The following NMNAT1 variants were observed in gnomAD, a reference collection of about 807,000 sequenced individuals.
The protein encoded by NMNAT1 is nicotinamide nucleotide adenylyltransferase 1, also known as nicotinamide/nicotinic acid mononucleotide adenylyltransferase 1.
Under a neutral mutation model 16.7 loss-of-function variants are expected in NMNAT1, and 11 were observed. The observed-to-expected ratio is 0.66, with a 90% confidence interval of 0.41 to 1.09. NMNAT1 has a LOEUF of 1.09. Ranked by LOEUF, NMNAT1 falls within the 50% of genes least tolerant of loss-of-function variation. NMNAT1 has a pLI of 0.00. For missense variants in NMNAT1, 280 were observed against 332.3 expected, an observed-to-expected ratio of 0.84 and a Z score of 1.22; for synonymous variants, 110 against 119.8, an observed-to-expected ratio of 0.92 and a Z score of 0.53.
intron 1 of NMNAT1, among the ~76,000 whole-genome samples, chr1:9,946,742 T>TC (rs953250572): frequency 6.6e-6 from 1 of 152,142 alleles, no homozygotes; most frequent in Non-Finnish European, 1.5e-5. Context: ...GGGGCCCTGA[T>TC]CCGATAGGAC....
Position 9,975,642 on chromosome 1 carries a change from A to G in NMNAT1, c.166A>G (p.Lys56Glu). The change falls in exon 3 of 5, where the codon AAG (lysine) becomes GAG (glutamate). Residue 56 changes from lysine to glutamate, a missense_variant. Transcript: ENST00000377205. Reference sequence around the variant, plus strand: ...CATCTCTCCTGTTGGTGATGCCTACAAGAAGAAAGGACTCATTCCTGCCTA... The same window carrying G: ...CATCTCTCCTGTTGGTGATGCCTACGAGAAGAAAGGACTCATTCCTGCCTA... ...GIISPVGDAYKKKGLIPAYHR... is the reference protein window; with the variant it reads ...GIISPVGDAYEKKGLIPAYHR... The G allele has an allele frequency of 6.2e-7, 1 of 1,614,080 alleles. No homozygotes were observed. Among genetic ancestry groups the G allele is most frequent in the Middle Eastern group, 1.7e-4 (1 of 6,060 alleles).
At chr1:9,954,580 CTATT>C (rs1200812969) in intron 1 of NMNAT1, among the ~76,000 whole-genome samples, 2 of 152,094 alleles carry the variant, frequency 1.3e-5, no homozygotes, top group South Asian at 2.1e-4. Flanking sequence ...TGATCAATGA[CTATT>C]TATTGAATGA....
intron 1 of NMNAT1, among the ~76,000 whole-genome samples, chr1:9,966,914 T>C (rs1641558058): frequency 6.6e-6 from 1 of 152,064 alleles, no homozygotes; most frequent in African/African-American, 2.4e-5. Flanking sequence ...CTTTATAATC[T>C]TAAAAGAATA....
intron 1 of NMNAT1, among the ~76,000 whole-genome samples, chr1:9,954,780 C>T (rs769325090): frequency 1.7e-4 from 26 of 150,122 alleles, no homozygotes; most frequent in Non-Finnish European, 2.8e-4. Flanking sequence ...AAAATACAAA[C>T]ATTAGGTTCG....
At chr1:9,950,746 T>G (rs904304863) in intron 1 of NMNAT1, 4 of 152,476 alleles carry the variant, frequency 2.6e-5, no homozygotes, top group Non-Finnish European at 2.9e-5. Context: ...CCCCCCGTTT[T>G]CTTTGCTTTG....
At chr1:9,971,559 G>A (rs1398803910) in intron 1 of NMNAT1, among the ~76,000 whole-genome samples, 10 of 152,034 alleles carry the variant, frequency 6.6e-5, no homozygotes, top group Non-Finnish European at 1.3e-4. Context: ...TGATCCACCC[G>A]CCCCAGCCTC....
intron 1 of NMNAT1, 80 bp from the exon 2 acceptor site, chr1:9,971,938 C>G (rs1307366476): frequency 3.1e-6 from 2 of 646,736 alleles, no homozygotes; most frequent in South Asian, 1.7e-5. Flanking sequence ...TCACTACACT[C>G]TAGCCAGGGT....
chr1:9,968,262 T>C (rs1641604218), intron 1 of NMNAT1, among the ~76,000 whole-genome samples: 1 of 150,948 alleles, frequency 6.6e-6, no homozygotes, highest in Non-Finnish European at 1.5e-5. Flanking sequence ...TTAGTAGAGA[T>C]GGGGTTTCAC....
the NMNAT1 span, among the ~76,000 whole-genome samples, chr1:9,994,713 C>T: frequency 3.4e-5 from 5 of 148,920 alleles, no homozygotes; most frequent in Non-Finnish European, 5.9e-5. Flanking sequence ...CCTGGGTTCA[C>T]GCATTCTCCT....
chr1:9,967,997 A>G (rs2101683294), intron 1 of NMNAT1, among the ~76,000 whole-genome samples: 2 of 152,096 alleles, frequency 1.3e-5, no homozygotes, highest in Admixed American at 1.3e-4. Context: ...AACAAAAGAC[A>G]ATTCTAGTAA....
At chr1:9,951,080 C>T (rs1441396108) in intron 1 of NMNAT1, among the ~76,000 whole-genome samples, 2 of 149,002 alleles carry the variant, frequency 1.3e-5, no homozygotes, top group Non-Finnish European at 3.0e-5. Context: ...CAAAGTGAGA[C>T]TCTGTTTCAA....
chr1:9,974,635 G>A (rs187294194), intron 2 of NMNAT1, among the ~76,000 whole-genome samples: 16 of 151,990 alleles, frequency 1.1e-4, no homozygotes, highest in East Asian at 7.8e-4. Flanking sequence ...TGATCCACCC[G>A]CCTCGAACTC....
the NMNAT1 span, among the ~76,000 whole-genome samples, chr1:9,996,087 G>A: frequency 5.3e-5 from 8 of 151,936 alleles, no homozygotes; most frequent in Admixed American, 2.6e-4. Context: ...CAAGGCGGGC[G>A]GATCACAAGG....
At chr1:9,968,307 C>G (rs1570699546) in intron 1 of NMNAT1, among the ~76,000 whole-genome samples, 4 of 151,180 alleles carry the variant, frequency 2.6e-5, no homozygotes, top group Admixed American at 6.6e-5. Context: ...CTCCTGACCT[C>G]GTGATCTGCC....
chr1:9,954,107 A>G (rs1641190246), intron 1 of NMNAT1, among the ~76,000 whole-genome samples: 1 of 151,998 alleles, frequency 6.6e-6, no homozygotes, highest in Admixed American at 6.6e-5. Flanking sequence ...CACCCGGCCC[A>G]TACATCACTC....
At chr1:9,967,358 T>G (rs1445412720) in intron 1 of NMNAT1, 1 of 154,110 alleles carries the variant, frequency 6.5e-6, no homozygotes, top group Non-Finnish European at 1.5e-5. Flanking sequence ...CAAACTTACT[T>G]GATCTCCCAC....
At chr1:9,967,930 T>C (rs777958419) in intron 1 of NMNAT1, among the ~76,000 whole-genome samples, 2 of 152,006 alleles carry the variant, frequency 1.3e-5, no homozygotes, top group South Asian at 2.1e-4. Context: ...GAGCTGAGAT[T>C]GTACCACTGT....
chr1:9,946,861 A>G (rs2101632856), intron 1 of NMNAT1, among the ~76,000 whole-genome samples: 1 of 152,306 alleles, frequency 6.6e-6, no homozygotes, highest in South Asian at 2.1e-4. Context: ...AGACAGGAAC[A>G]GAGCTGCCAC....
intron 1 of NMNAT1, among the ~76,000 whole-genome samples, chr1:9,948,807 T>G (rs1274516269): frequency 6.6e-6 from 1 of 151,616 alleles, no homozygotes; most frequent in African/African-American, 2.4e-5. Context: ...CCACCATGCC[T>G]GGCTAATTTT....
Sources: gnomAD v4.1 joint callset for allele counts (sites outside exome capture counted in the v4.1 genomes callset) on GRCh38, gnomAD v4.1.1 for gene constraint, MANE v1.5 for transcripts, NCBI Gene and HGNC (gene_info 2026-07-23, HGNC 2026-07-21) for gene names.